RINL: variants seen among roughly 807,000 people sequenced by gnomAD.
RINL encodes ras and Rab interactor-like protein.
In RINL, 39 loss-of-function variants were observed where a neutral mutation model predicts 58.1. The observed-to-expected ratio is 0.67, with a 90% CI of 0.52 to 0.88. The LOEUF is 0.88. RINL is among the 40% of genes least tolerant of loss of function. RINL has a pLI of 0.00. For missense variants in RINL, 711 were observed against 749.2 expected (o/e 0.95, Z 0.60); for synonymous variants, 286 against 323.1 (o/e 0.89, Z 1.23).
At chr19:38,873,842 T>C (rs1972863103) in intron 4 of RINL, 44 bp downstream of exon 4, 1 of 1,208,574 alleles carries the variant, frequency 8.3e-7, no homozygotes, top group African/African-American at 1.5e-5. Flanking sequence ...TAGTTCTTAG[T>C]GATCAATTGA....
intron 4 of RINL, chr19:38,873,673 G>A (rs558917339): frequency 7.4e-5 from 31 of 421,196 alleles, no homozygotes; most frequent in South Asian, 5.3e-4. Flanking sequence ...TTACAGTCGC[G>A]CGTCACCAAG....
chr19:38,869,712 A>C lies in RINL; in HGVS notation c.1343-8T>G. 6.2e-7 allele frequency: 1 copy of C among 1,613,440 alleles called. No homozygotes were observed. The highest frequency in any genetic ancestry group is 1.1e-5 in the South Asian group (1 of 91,028). ...CGTCGGCCCCCAGGGGATCTGGGAA[A>C]ACCAGAGGAAAGGTCTTGAGATGGA... On this transcript the variant is annotated splice_region_variant and splice_polypyrimidine_tract_variant and intron_variant, in intron 9 of 11. Coordinates refer to ENST00000591812, the MANE Select transcript of RINL (RefSeq NM_001195833.2). The surrounding 1 kb of genome is among the most constrained non-coding windows in gnomAD (Gnocchi z 5.7).
At position 38,868,330 on chromosome 19, in the gene RINL, T is replaced by C. The variant is rs1972717047; in HGVS notation, c.*774A>G. 1 of 152,190 alleles carries C rather than the reference T, an allele frequency of 6.6e-6. No individual in the cohort carries two copies. Among genetic ancestry groups the C allele is most frequent in the Non-Finnish European group, 1.5e-5 (1 of 68,040 alleles). The allele number at this position is 152,190 out of a possible 1,614,324, so 9.4% of individuals were successfully genotyped here. ...ATATGGTTTGTTAGCATGTGATACA[T>C]TCTTTGGGAAAAACGATCACAATTG... On this transcript the variant is annotated 3_prime_UTR_variant, in exon 12 of 12. Transcript: ENST00000591812.
rs1054093916 is a variant in RINL at position 38,870,462 on chromosome 19, A to G, written c.1024+108T>C. The G allele has an allele frequency of 7.7e-7, 1 of 1,294,872 alleles. No homozygotes were observed. Among genetic ancestry groups the G allele is most frequent in the Non-Finnish European group, 1.0e-6 (1 of 965,530 alleles). 80.2% of individuals were successfully genotyped at this position (1,294,872 alleles called of 1,614,324 possible). A position where few individuals can be genotyped will look rare whatever the true frequency, so the allele number is the denominator to read the frequency against. On this transcript the variant is annotated intron_variant, in intron 8 of 11. Transcript: ENST00000591812. This position sits in a 1 kb window ranked among gnomAD's most constrained non-coding sequence, Gnocchi z 5.8. ...ATACGTGGGCGATAGAACGCGTGGGATGTGTAGGAAGGGCGTGTGGGTGCA... is the reference window on the plus strand; with the variant it reads ...ATACGTGGGCGATAGAACGCGTGGGGTGTGTAGGAAGGGCGTGTGGGTGCA...
In RINL at chr19:38,870,281, G is replaced by T; in HGVS notation, c.1025-21C>A. On this transcript the variant is annotated intron_variant, in intron 8 of 11. Transcript: ENST00000591812. The surrounding 1 kb of genome is among the most constrained non-coding windows in gnomAD (Gnocchi z 5.8). ...GGGGCCTGCGGGGTGTGGGGGACGG[G>T]TGAGCACAGGACCGCCAAGTTGTCC... 7.2e-7 allele frequency: 1 copy of T among 1,382,552 alleles called. No homozygotes were observed. Among genetic ancestry groups the T allele is most frequent in the South Asian group, 1.6e-5 (1 of 62,428 alleles). The allele number at this position is 1,382,552 out of a possible 1,614,324, so 85.6% of individuals were successfully genotyped here. A position where few individuals can be genotyped will look rare whatever the true frequency, so the allele number is the denominator to read the frequency against.
Position 38,869,976 on chromosome 19 carries a change from C to T in RINL, c.1309G>A (p.Val437Ile), listed in dbSNP as rs1427279156. ...VALLLEVCRD[V>I]YAGLARGENQ... ...TCGCCTCGAGCCAGGCCCGCATAGA[C>T]ATCTCTGCACACCTCCAAGAGGAGC... is the stretch of plus-strand genomic sequence containing the variant. Residue 437 changes from valine (V) to isoleucine (I), a missense_variant, in exon 9 of 12, where the codon GTC becomes ATC. Coordinates refer to ENST00000591812, the MANE Select transcript of RINL (RefSeq NM_001195833.2). This position sits in a 1 kb window ranked among gnomAD's most constrained non-coding sequence, Gnocchi z 5.7. 5.0e-6 allele frequency: 8 copies of T among 1,599,346 alleles called. No individual in the cohort carries two copies. In the African/African-American group the frequency reaches 5.4e-5, roughly 11 times the overall value.
In RINL at chr19:38,869,454, T is replaced by C; in HGVS notation, c.1475-44A>G. 6.3e-7 allele frequency: 1 copy of C among 1,575,028 alleles called. No homozygotes were observed. The highest frequency in any genetic ancestry group is 8.6e-7 in the Non-Finnish European group (1 of 1,157,912). On this transcript the variant is annotated intron_variant, in intron 10 of 11. Coordinates refer to ENST00000591812, the MANE Select transcript of RINL (RefSeq NM_001195833.2). This position sits in a 1 kb window ranked among gnomAD's most constrained non-coding sequence, Gnocchi z 5.7. Reference sequence around the variant, plus strand: ...GTCAGCTCCGCCCTCTCGGCTTCCCTGGTCGCCCCAAATCCCCCTGCAGTT... The same window carrying C: ...GTCAGCTCCGCCCTCTCGGCTTCCCCGGTCGCCCCAAATCCCCCTGCAGTT...
In RINL at chr19:38,876,362, G is replaced by A. The variant is rs1428269889; in HGVS notation, c.179C>T (p.Ala60Val). The change falls in exon 3 of 12, where the codon GCG becomes GTG. Residue 60 changes from alanine to valine, a missense_variant. Transcript: ENST00000591812. ...TGGCCACAGCCCCACAAGGGCCTCC[G>A]CATCCTGGGTATCCAGCTCTGGCAC... is the stretch of plus-strand genomic sequence containing the variant. Reference protein sequence around the residue: ...WHVPELDTQDAEALVGLWPLG... With the variant: ...WHVPELDTQDVEALVGLWPLG... 3.9e-6 allele frequency: 6 copies of A among 1,535,960 alleles called. No individual in the cohort carries two copies. Among genetic ancestry groups the A allele is most frequent in the South Asian group, 1.2e-5 (1 of 84,068 alleles).
rs1972789610 is a variant in RINL at position 38,870,745 on chromosome 19, C to G, written c.849G>C (p.Val283=). 6.2e-7 allele frequency: 1 copy of G among 1,613,302 alleles called. No individual in the cohort carries two copies. The highest frequency in any genetic ancestry group is 1.3e-5 in the African/African-American group (1 of 74,934). The change falls in exon 8 of 12, where the codon GTG becomes GTC. Residue 283 remains valine, a synonymous_variant. Coordinates refer to ENST00000591812, the MANE Select transcript of RINL (RefSeq NM_001195833.2). This position sits in a 1 kb window ranked among gnomAD's most constrained non-coding sequence, Gnocchi z 5.8. The part of the protein sequence containing the change: ...YVARQYRSLR[V]RIASDSGGPH... ...GACCCCCAGAATCTGAGGCGATGCGCACCCGAAGGCTTCGGTACTGCCTGG... is the reference window on the plus strand; with the variant it reads ...GACCCCCAGAATCTGAGGCGATGCGGACCCGAAGGCTTCGGTACTGCCTGG...
intron 3 of RINL, among the ~76,000 whole-genome samples, 182 bp downstream of exon 3, chr19:38,876,149 T>G (rs1456444178): frequency 6.6e-6 from 1 of 150,838 alleles, no homozygotes; most frequent in Non-Finnish European, 1.5e-5. Context: ...CGCCTTGACC[T>G]CCTGAGCTCA....
At position 38,869,682 on chromosome 19, in the gene RINL, G is replaced by A; in HGVS notation, c.1365C>T (p.Phe455=). ...TGAGTTCCTCGGTCAGCGCCGGCAG[G>A]AAGGCGTCGGCCCCCAGGGGATCTG... ...ENQDPLGADA[F]LPALTEELIW... Residue 455 remains phenylalanine (F), a synonymous_variant, in exon 10 of 12, where the codon TTC becomes TTT. Transcript: ENST00000591812. This position sits in a 1 kb window ranked among gnomAD's most constrained non-coding sequence, Gnocchi z 5.7. 2 of 1,613,926 alleles carry A rather than the reference G, an allele frequency of 1.2e-6. No individual in the cohort carries two copies. Among genetic ancestry groups the A allele is most frequent in the Non-Finnish European group, 1.7e-6 (2 of 1,180,006 alleles).
intron 6 of RINL, 78 bp downstream of exon 6, chr19:38,871,569 C>T: frequency 1.5e-6 from 2 of 1,338,000 alleles, no homozygotes; most frequent in Non-Finnish European, 2.1e-6. Context: ...GTAGTCTGGG[C>T]CCCAAAGCCC....
chr19:38,870,126 C>A lies in RINL; in HGVS notation c.1159G>T (p.Ala387Ser). 1 of 1,421,754 alleles carries A rather than the reference C, an allele frequency of 7.0e-7. No homozygotes were observed. Among genetic ancestry groups the A allele is most frequent in the Non-Finnish European group, 9.1e-7 (1 of 1,098,378 alleles). 88.1% of individuals were successfully genotyped at this position (1,421,754 alleles called of 1,614,324 possible). The change falls in exon 9 of 12, where the codon GCG becomes TCG. Residue 387 changes from alanine (A) to serine (S), a missense_variant. Coordinates refer to ENST00000591812, the MANE Select transcript of RINL (RefSeq NM_001195833.2). This position sits in a 1 kb window ranked among gnomAD's most constrained non-coding sequence, Gnocchi z 5.8. ...GGCCCCTGTGCCCCCGGAGGCCCCGCCCCCGCCCGCAGGGCTGTCTGTCGC... is the reference window on the plus strand; with the variant it reads ...GGCCCCTGTGCCCCCGGAGGCCCCGACCCCGCCCGCAGGGCTGTCTGTCGC... ...RRRQTALRAGAGPPGAQGPGP... is the reference protein window; with the variant it reads ...RRRQTALRAGSGPPGAQGPGP...
Position 38,870,713 on chromosome 19 carries a change from C to T in RINL, c.881G>A (p.Gly294Glu), listed in dbSNP as rs1352250773. 3.7e-6 allele frequency: 6 copies of T among 1,613,594 alleles called. No individual in the cohort carries two copies. The highest frequency in any genetic ancestry group is 5.1e-6 in the Non-Finnish European group (6 of 1,179,950). ...CAGCTCCGTGGCCGGGTCCCCAGAC[C>T]CGTGGGGACCCCCAGAATCTGAGGC... ...RIASDSGGPH[G>E]SGDPATELLQ... is the part of the protein sequence containing the mutation. The change falls in exon 8 of 12, where the codon GGG (glycine) becomes GAG (glutamate). Residue 294 changes from glycine (G) to glutamate (E), a missense_variant. By Grantham distance (98) the Gly-to-Glu change is moderately conservative (BLOSUM62 -2). Coordinates refer to ENST00000591812, the MANE Select transcript of RINL (RefSeq NM_001195833.2). This position sits in a 1 kb window ranked among gnomAD's most constrained non-coding sequence, Gnocchi z 5.8.
At chr19:38,876,577 C>T in intron 2 of RINL, 87 bp from the exon 3 acceptor site, 1 of 1,461,814 alleles carries the variant, frequency 6.8e-7, no homozygotes, top group Non-Finnish European at 9.3e-7. Flanking sequence ...AAGGGGCAGG[C>T]CCAGGGCAGA....
chr19:38,869,916 C>T lies in RINL; in HGVS notation c.1342+27G>A. Reference sequence around the variant, plus strand: ...CTCCAACTCTCAAGGCTCTCCCCACCACGCTAGACGTTGACCCCTCCCTTA... The same window carrying T: ...CTCCAACTCTCAAGGCTCTCCCCACTACGCTAGACGTTGACCCCTCCCTTA... On this transcript the variant is annotated intron_variant, in intron 9 of 11. Coordinates refer to ENST00000591812, the MANE Select transcript of RINL (RefSeq NM_001195833.2). This position sits in a 1 kb window ranked among gnomAD's most constrained non-coding sequence, Gnocchi z 5.7. The T allele has an allele frequency of 6.3e-7, 1 of 1,574,886 alleles. No individual in the cohort carries two copies. Among genetic ancestry groups the T allele is most frequent in the Non-Finnish European group, 8.6e-7 (1 of 1,162,648 alleles).
In RINL at chr19:38,870,197, G is replaced by A. The variant is rs943020608; in HGVS notation, c.1088C>T (p.Thr363Ile). The part of the protein sequence containing the change: ...VLAPLKPALW[T>I]RLRTLRAPEL... ...CGGTGCTCGGAGTGTGCGGAGTCGTGTCCACAGGGCCGGCTTCAGGGGCGC... is the reference window on the plus strand; with the variant it reads ...CGGTGCTCGGAGTGTGCGGAGTCGTATCCACAGGGCCGGCTTCAGGGGCGC... Residue 363 changes from threonine (T) to isoleucine (I), a missense_variant, in exon 9 of 12, where the codon ACA becomes ATA. Physicochemically the swap from Thr to Ile is moderately conservative, Grantham distance 89 (BLOSUM62 -1). Coordinates refer to ENST00000591812, the MANE Select transcript of RINL (RefSeq NM_001195833.2). This position sits in a 1 kb window ranked among gnomAD's most constrained non-coding sequence, Gnocchi z 5.8. The A allele has an allele frequency of 4.3e-6, 6 of 1,397,340 alleles. No individual in the cohort carries two copies. The highest frequency in any genetic ancestry group is 4.6e-6 in the Non-Finnish European group (5 of 1,085,090). 86.6% of individuals were successfully genotyped at this position (1,397,340 alleles called of 1,614,324 possible).
chr19:38,870,041 G>A lies in RINL; in HGVS notation c.1244C>T (p.Ala415Val), dbSNP rs1972766669. The A allele has an allele frequency of 1.3e-6, 2 of 1,552,534 alleles. No homozygotes were observed. Among genetic ancestry groups the A allele is most frequent in the Non-Finnish European group, 1.7e-6 (2 of 1,153,240 alleles). The stretch of plus-strand genomic sequence containing the variant: ...CGGGGCGCAGGCAGCGTGGAGGTGC[G>A]CAAGGCGCTCGTGGATGCGGCTCCG... ...ALRSRIHERL[A>V]HLHAACAPRR... The change falls in exon 9 of 12, where the codon GCG (alanine) becomes GTG (valine). Residue 415 changes from alanine to valine, a missense_variant. Coordinates refer to ENST00000591812, the MANE Select transcript of RINL (RefSeq NM_001195833.2). The surrounding 1 kb of genome is among the most constrained non-coding windows in gnomAD (Gnocchi z 5.8).
At position 38,869,507 on chromosome 19, in the gene RINL, G is replaced by A; in HGVS notation, c.1474+66C>T. The stretch of plus-strand genomic sequence containing the variant: ...CCTGCCGTCCCTCCTGCTGCGGGGG[G>A]AGGCTGTTTGGGATCCCGGAGGTAC... On this transcript the variant is annotated intron_variant, in intron 10 of 11. Coordinates refer to ENST00000591812, the MANE Select transcript of RINL (RefSeq NM_001195833.2). This position sits in a 1 kb window ranked among gnomAD's most constrained non-coding sequence, Gnocchi z 5.7. 1 of 1,597,010 alleles carries A rather than the reference G, an allele frequency of 6.3e-7. No individual in the cohort carries two copies. Among genetic ancestry groups the A allele is most frequent in the Non-Finnish European group, 8.6e-7 (1 of 1,169,190 alleles).
Sources: gnomAD v4.1 joint callset for allele counts (sites outside exome capture counted in the v4.1 genomes callset) on GRCh38, gnomAD v4.1.1 for gene constraint, Gnocchi (gnomAD v3.1) non-coding constraint, MANE v1.5 for transcripts, NCBI Gene and HGNC (gene_info 2026-07-23, HGNC 2026-07-21) for gene names.